Variants in SKAP1 observed in about 807,000 individuals in gnomAD.
The protein encoded by SKAP1 is src kinase associated phosphoprotein 1.
Under a neutral mutation model 58.5 loss-of-function variants are expected in SKAP1, and 44 were observed. That is an observed-to-expected ratio of 0.75 (90% confidence interval 0.59 to 0.97). SKAP1 has a LOEUF of 0.97. Ranked by LOEUF, SKAP1 falls within the 50% of genes least tolerant of loss-of-function variation. The pLI, the probability that SKAP1 is intolerant of heterozygous loss-of-function variation, is 0.00. For synonymous variants in SKAP1, 127 were observed against 149.7 expected (o/e 0.85, Z 1.11); for missense variants, 390 against 435.2 (o/e 0.90, Z 0.92).
intron 4 of SKAP1, among the ~76,000 whole-genome samples, chr17:48,251,750 T>C (rs2065366411): frequency 6.6e-6 from 1 of 152,228 alleles, no homozygotes; most frequent in Non-Finnish European, 1.5e-5. Flanking sequence ...AGAAATTTCA[T>C]GTATCACCTC....
chr17:48,295,478 A>G (rs1393656325), intron 4 of SKAP1: 3 of 152,206 alleles, frequency 2.0e-5, no homozygotes, highest in Non-Finnish European at 2.9e-5. Context: ...AAAGGATTCA[A>G]AAAATTCTGA....
At chr17:48,409,910 A>G (rs1046807736) in intron 1 of SKAP1, among the ~76,000 whole-genome samples, 1 of 152,228 alleles carries the variant, frequency 6.6e-6, no homozygotes, top group Admixed American at 6.5e-5. Flanking sequence ...GGAGATTTCA[A>G]GAAAGAATGT....
intron 4 of SKAP1, among the ~76,000 whole-genome samples, chr17:48,244,440 G>T (rs897917388): frequency 6.6e-6 from 1 of 152,108 alleles, no homozygotes; most frequent in East Asian, 1.9e-4. Context: ...AGCAGATGGG[G>T]TCATAAACAT....
intron 10 of SKAP1, among the ~76,000 whole-genome samples, chr17:48,168,253 G>C (rs1353720992): frequency 6.6e-6 from 1 of 152,144 alleles, no homozygotes; most frequent in African/African-American, 2.4e-5. Context: ...TTGGAGAAAA[G>C]TACTTGGATT....
At chr17:48,161,709 A>G (rs1367883063) in intron 11 of SKAP1, among the ~76,000 whole-genome samples, 2 of 152,202 alleles carry the variant, frequency 1.3e-5, no homozygotes. Context: ...CTTATCAGCA[A>G]TTGCTCAAAC....
chr17:48,393,347 A>AT (rs2067374411), intron 2 of SKAP1, among the ~76,000 whole-genome samples: 1 of 152,198 alleles, frequency 6.6e-6, no homozygotes, highest in Non-Finnish European at 1.5e-5. Flanking sequence ...ATAGGATTTT[A>AT]TTTTTTGTTT....
In SKAP1 at chr17:48,187,923, T is replaced by C; in HGVS notation, c.362A>G (p.His121Arg). 6.2e-7 allele frequency: 1 copy of C among 1,613,394 alleles called. No individual in the cohort carries two copies. The highest frequency in any genetic ancestry group is 8.5e-7 in the Non-Finnish European group (1 of 1,179,364). The change falls in exon 6 of 13, where the codon CAT becomes CGT. Residue 121 changes from histidine to arginine, a missense_variant. His to Arg is a conservative substitution (Grantham distance 29). Transcript: ENST00000336915. ...CTGCCACTCCGATCCAAAGAAACTA[T>C]GATCTAAACAGAACAGCAGTAGGGG... is the stretch of plus-strand genomic sequence containing the variant. ...QGYLEKKSKD[H>R]SFFGSEWQKR...
chr17:48,211,465 A>G (rs938401118), intron 4 of SKAP1, among the ~76,000 whole-genome samples: 3 of 152,194 alleles, frequency 2.0e-5, no homozygotes, highest in East Asian at 3.8e-4. Flanking sequence ...CCAACTCTCA[A>G]CGGAGGGACA....
At chr17:48,326,472 CA>C (rs2066438167) in intron 4 of SKAP1, among the ~76,000 whole-genome samples, 1 of 152,190 alleles carries the variant, frequency 6.6e-6, no homozygotes, top group Non-Finnish European at 1.5e-5. Context: ...ATAGCATGTA[CA>C]AGGTTGTCTG....
chr17:48,140,504 T>C (rs961243756), intron 11 of SKAP1, among the ~76,000 whole-genome samples: 2 of 152,184 alleles, frequency 1.3e-5, no homozygotes, highest in African/African-American at 4.8e-5. Context: ...GTATCCACCA[T>C]GTCTGTGTTT....
intron 4 of SKAP1, among the ~76,000 whole-genome samples, chr17:48,228,315 A>C (rs2065091522): frequency 6.6e-6 from 1 of 152,212 alleles, no homozygotes; most frequent in Non-Finnish European, 1.5e-5. Flanking sequence ...CTCACTAAAA[A>C]ACGCAATATA....
At chr17:48,283,347 T>C (rs143356941) in intron 4 of SKAP1, among the ~76,000 whole-genome samples, 10 of 152,356 alleles carry the variant, frequency 6.6e-5, no homozygotes, top group Non-Finnish European at 1.5e-5. Context: ...TAGATGCATA[T>C]ATCATTAAGG....
intron 4 of SKAP1, among the ~76,000 whole-genome samples, chr17:48,212,787 G>T (rs1406909899): frequency 6.6e-6 from 1 of 152,054 alleles, no homozygotes; most frequent in Admixed American, 6.6e-5. Context: ...TCCTTTCTTT[G>T]TGTTTCTCAT....
At chr17:48,350,625 G>A (rs2066786843) in intron 3 of SKAP1, among the ~76,000 whole-genome samples, 1 of 152,162 alleles carries the variant, frequency 6.6e-6, no homozygotes, top group African/African-American at 2.4e-5. Context: ...GAACCCGGGA[G>A]GCAGAGGTTG....
rs141742660 is a variant in SKAP1, at chr17:48,342,820, C to T, written c.280+3085G>A. Reference sequence around the variant, plus strand: ...CTAACACGGTGAAACCCCGTCTCTACTAAAAATACAAAAAATTAGCCAGGC... The same window carrying T: ...CTAACACGGTGAAACCCCGTCTCTATTAAAAATACAAAAAATTAGCCAGGC... On this transcript the variant is annotated intron_variant, in intron 4 of 12. Coordinates refer to ENST00000336915, the MANE Select transcript of SKAP1 (RefSeq NM_003726.4). Among the ~76,000 whole-genome samples the T allele has an allele frequency of 6.2e-3, 945 of 151,976 alleles. 8 individuals are homozygous for T. Among genetic ancestry groups the T allele is most frequent in the African/African-American group, 0.02 (825 of 41,360 alleles).
chr17:48,137,407 G>A (rs2063714694), intron 11 of SKAP1, 70 bp from the exon 12 acceptor site: 1 of 1,023,580 alleles, frequency 9.8e-7, no homozygotes, highest in Non-Finnish European at 1.5e-6. Flanking sequence ...TCTAGTGATT[G>A]CATGGGAGAT....
At chr17:48,344,087 C>T (rs1267142387) in intron 4 of SKAP1, among the ~76,000 whole-genome samples, 1 of 152,096 alleles carries the variant, frequency 6.6e-6, no homozygotes, top group Non-Finnish European at 1.5e-5. Context: ...ACAATAAATG[C>T]TGGCTAAAGA....
At chr17:48,198,226 C>A (rs1306158320) in intron 4 of SKAP1, among the ~76,000 whole-genome samples, 1 of 151,938 alleles carries the variant, frequency 6.6e-6, no homozygotes, top group Non-Finnish European at 1.5e-5. Flanking sequence ...GAGGCCGAGA[C>A]GGGCGGATCA....
At chr17:48,304,267 A>G (rs1368719076) in intron 4 of SKAP1, among the ~76,000 whole-genome samples, 1 of 152,216 alleles carries the variant, frequency 6.6e-6, no homozygotes, top group Non-Finnish European at 1.5e-5. Context: ...CAGATAAGGA[A>G]AGGAAGTCTC....
Sources: gnomAD v4.1 joint callset for allele counts (sites outside exome capture counted in the v4.1 genomes callset) on GRCh38, gnomAD v4.1.1 for gene constraint, MANE v1.5 for transcripts, NCBI Gene and HGNC (gene_info 2026-07-23, HGNC 2026-07-21) for gene names.